Variants in ANKS1B observed in about 807,000 individuals in gnomAD.
ANKS1B encodes the protein ankyrin repeat and sterile alpha motif domain containing 1B, also known as ankyrin repeat and sterile alpha motif domain-containing protein 1B.
ANKS1B carries 36 observed loss-of-function variants against 148.3 expected under a neutral mutation model. The ratio of observed to expected loss-of-function variants is 0.24; its 90% CI spans 0.19 to 0.32. The LOEUF is 0.32. Ranked by LOEUF, ANKS1B falls within the 10% of genes least tolerant of loss-of-function variation. ANKS1B has a pLI of 1.00. For missense variants in ANKS1B, 1,157 were observed against 1,542.6 expected (o/e 0.75, Z 4.19); for synonymous variants, 542 against 560.8 (o/e 0.97, Z 0.47).
At chr12:98,947,437 T>C (rs1348363791) in intron 17 of ANKS1B, among the ~76,000 whole-genome samples, 1 of 152,124 alleles carries the variant, frequency 6.6e-6, no homozygotes, top group Non-Finnish European at 1.5e-5. Context: ...TTCCTGAGTA[T>C]AGGGGAATGT....
intron 9 of ANKS1B, among the ~76,000 whole-genome samples, chr12:99,606,414 T>G (rs2097851934): frequency 6.6e-6 from 1 of 151,984 alleles, no homozygotes; most frequent in African/African-American, 2.4e-5. Flanking sequence ...ATTTATAACT[T>G]TTAGTAACTT....
At chr12:99,119,091 G>A (rs1232308756) in intron 15 of ANKS1B, among the ~76,000 whole-genome samples, 1 of 152,160 alleles carries the variant, frequency 6.6e-6, no homozygotes, top group Non-Finnish European at 1.5e-5. Flanking sequence ...ACAGGAACTT[G>A]CAGTTGTGAT....
At chr12:99,280,192 ATGTG>A (rs201435384) in intron 12 of ANKS1B, among the ~76,000 whole-genome samples, 1 of 150,926 alleles carries the variant, frequency 6.6e-6, no homozygotes, top group Non-Finnish European at 1.5e-5. Flanking sequence ...GTGTACGTGC[ATGTG>A]TGTGTGTGAG....
intron 1 of ANKS1B, among the ~76,000 whole-genome samples, chr12:99,903,237 T>C (rs1201408784): frequency 1.3e-5 from 2 of 152,224 alleles, no homozygotes; most frequent in African/African-American, 2.4e-5. Context: ...ATGACCCAGC[T>C]AGGGCATTGG....
At chr12:99,865,105 A>T (rs1458631421) in intron 1 of ANKS1B, among the ~76,000 whole-genome samples, 1 of 152,250 alleles carries the variant, frequency 6.6e-6, no homozygotes, top group African/African-American at 2.4e-5. Flanking sequence ...GGTGTCCTAC[A>T]CATGCAAATA....
chr12:99,670,575 A>G (rs1567609408), intron 8 of ANKS1B, among the ~76,000 whole-genome samples: 1 of 152,190 alleles, frequency 6.6e-6, no homozygotes, highest in Admixed American at 6.5e-5. Context: ...GAAGAAAAAT[A>G]TAAGTATGTC....
chr12:99,363,563 G>T (rs974362885), intron 12 of ANKS1B, among the ~76,000 whole-genome samples: 4 of 152,022 alleles, frequency 2.6e-5, no homozygotes, highest in African/African-American at 9.7e-5. Flanking sequence ...TACCACACAG[G>T]TCATGAAGCT....
intron 15 of ANKS1B, among the ~76,000 whole-genome samples, chr12:99,132,038 C>A (rs1263434740): frequency 6.6e-6 from 1 of 152,162 alleles, no homozygotes; most frequent in Non-Finnish European, 1.5e-5. Context: ...TCCTTCCCAC[C>A]CCCAGGCCAG....
intron 1 of ANKS1B, among the ~76,000 whole-genome samples, chr12:99,880,217 G>A (rs576044518): frequency 1.6e-4 from 24 of 152,236 alleles, no homozygotes; most frequent in South Asian, 6.2e-4. Flanking sequence ...TGCACTAAGC[G>A]CCTTACAGAT....
intron 10 of ANKS1B, among the ~76,000 whole-genome samples, chr12:99,459,940 C>T (rs1181205095): frequency 1.3e-5 from 2 of 152,004 alleles, no homozygotes; most frequent in African/African-American, 4.8e-5. Context: ...AAAGAGCCCA[C>T]ATAACCAAAA....
At chr12:99,756,506 A>G (rs1475366730) in intron 8 of ANKS1B, among the ~76,000 whole-genome samples, 1 of 152,114 alleles carries the variant, frequency 6.6e-6, no homozygotes, top group Non-Finnish European at 1.5e-5. Context: ...ACACTGCCCA[A>G]ATCAATTTAG....
rs138056927 is a variant in ANKS1B, at chr12:99,800,441, C to CAAAAA, written c.669+5958_669+5962dup. On this transcript the variant is annotated intron_variant, in intron 4 of 26. Coordinates refer to ENST00000683438, the MANE Select transcript of ANKS1B (RefSeq NM_001352186.2). ...CAACCTAAGCAGACAATACAGAAGC[C>CAAAAA]AAAAAAAAAAAAAAAAAAAACGGAG... Among the ~76,000 whole-genome samples the CAAAAA allele has an allele frequency of 1.1e-3, 96 of 86,744 alleles. 1 individual carries two copies. The highest frequency in any genetic ancestry group is 3.5e-3 in the African/African-American group (81 of 23,378). 56.9% of individuals were successfully genotyped at this position (86,744 alleles called of 152,430 possible).
downstream of ANKS1B, among the ~76,000 whole-genome samples, chr12:98,743,177 G>GTT (rs2097817217): frequency 6.6e-6 from 1 of 152,102 alleles, no homozygotes. Flanking sequence ...TTGGCCACGT[G>GTT]TTCCTTTATC....
At chr12:99,281,596 C>A (rs1427693498) in intron 12 of ANKS1B, among the ~76,000 whole-genome samples, 1 of 152,118 alleles carries the variant, frequency 6.6e-6, no homozygotes, top group African/African-American at 2.4e-5. Flanking sequence ...TAGCAAGCAC[C>A]AGCATACTTT....
intron 17 of ANKS1B, among the ~76,000 whole-genome samples, chr12:98,983,387 C>G (rs995780501): frequency 6.6e-6 from 1 of 152,178 alleles, no homozygotes; most frequent in East Asian, 1.9e-4. Flanking sequence ...CAATGGAGAC[C>G]CTCCTTTGCA....
At chr12:99,669,203 C>G (rs565387717) in intron 8 of ANKS1B, among the ~76,000 whole-genome samples, 1 of 152,206 alleles carries the variant, frequency 6.6e-6, no homozygotes, top group East Asian at 1.9e-4. Context: ...AGGCTTCTCA[C>G]TCTGTCACCT....
intron 1 of ANKS1B, among the ~76,000 whole-genome samples, chr12:99,878,440 C>G (rs1352449): frequency 0.65 from 98,471 of 152,144 alleles, 33,463 homozygotes; most frequent in African/African-American, 0.79. Flanking sequence ...CTTTGGTGTG[C>G]GTCTTTTCAA....
intron 16 of ANKS1B, among the ~76,000 whole-genome samples, chr12:99,075,472 A>G (rs892735839): frequency 4.6e-5 from 7 of 152,194 alleles, no homozygotes. Flanking sequence ...GCTGTTTGTT[A>G]CAGTGGCTAG....
intron 1 of ANKS1B, among the ~76,000 whole-genome samples, chr12:99,909,234 G>A (rs992869919): frequency 4.0e-5 from 6 of 150,354 alleles, no homozygotes; most frequent in African/African-American, 9.8e-5. Context: ...GTGTGTGTGT[G>A]TGTGTGTGTG....
Sources: allele counts gnomAD v4.1 joint callset (sites outside exome capture counted in the v4.1 genomes callset), GRCh38; gene constraint gnomAD v4.1.1; transcripts MANE v1.5; gene names NCBI Gene and HGNC (gene_info 2026-07-23, HGNC 2026-07-21).